The following GRK5 variants were observed in gnomAD, a reference collection of about 807,000 sequenced individuals.
GRK5 encodes g protein-coupled receptor kinase GRK5.
A neutral mutation model predicts 78.4 loss-of-function variants in GRK5; 40 were observed. That is an observed-to-expected ratio of 0.51 (90% CI 0.40 to 0.66). The LOEUF is 0.66. Ranked by LOEUF, GRK5 falls within the 30% of genes least tolerant of loss-of-function variation. The pLI is 0.00. For missense variants in GRK5, 598 were observed against 759.9 expected (o/e 0.79, Z 2.50); for synonymous variants, 289 against 296.8 (o/e 0.97, Z 0.27).
chr10:119,279,172 G>C (rs1196324248), intron 1 of GRK5, among the ~76,000 whole-genome samples: 1 of 152,160 alleles, frequency 6.6e-6, no homozygotes, highest in East Asian at 1.9e-4. Flanking sequence ...GAGCCACTGC[G>C]CCTGGCCCCT....
intron 1 of GRK5, among the ~76,000 whole-genome samples, chr10:119,221,351 C>T (rs377731626): frequency 9.2e-5 from 14 of 152,172 alleles, no homozygotes; most frequent in African/African-American, 2.7e-4. Context: ...CACACTGTTC[C>T]GCAGCTGTTT....
intron 1 of GRK5, among the ~76,000 whole-genome samples, chr10:119,324,524 A>G (rs1055710932): frequency 6.6e-6 from 1 of 152,146 alleles, no homozygotes; most frequent in Non-Finnish European, 1.5e-5. Context: ...GCTACTCGGG[A>G]GGCTGAGGCA....
In GRK5 at chr10:119,424,935, C is replaced by A. The variant is rs887380146; in HGVS notation, c.441-58C>A. On this transcript the variant is annotated intron_variant, in intron 5 of 15. Transcript: ENST00000392870. ...TTTCCAAAGCTGGACACAGCTTTGC[C>A]CCCCTGCTTGAAGATCGGGATTATA... is the stretch of plus-strand genomic sequence containing the variant. 160 of 1,218,698 alleles carry A rather than the reference C, an allele frequency of 1.3e-4. No individual in the cohort carries two copies. In the African/African-American group the frequency reaches 2.1e-3, roughly 16 times the overall value. 75.5% of individuals were successfully genotyped at this position (1,218,698 alleles called of 1,614,324 possible). A position where few individuals can be genotyped will look rare whatever the true frequency, so the allele number is the denominator to read the frequency against.
chr10:119,263,441 C>A (rs1224870073), intron 1 of GRK5, among the ~76,000 whole-genome samples: 1 of 152,130 alleles, frequency 6.6e-6, no homozygotes, highest in Non-Finnish European at 1.5e-5. Context: ...ATGTGTAAAA[C>A]ATCTCTTGGC....
At chr10:119,363,445 G>A (rs546528136) in intron 2 of GRK5, among the ~76,000 whole-genome samples, 1 of 152,256 alleles carries the variant, frequency 6.6e-6, no homozygotes, top group South Asian at 2.1e-4. Flanking sequence ...CAGCTAGTAC[G>A]TGGTTGTAGA....
chr10:119,327,349 C>G (rs1213922275), intron 2 of GRK5, among the ~76,000 whole-genome samples: 1 of 152,202 alleles, frequency 6.6e-6, no homozygotes, highest in African/African-American at 2.4e-5. Flanking sequence ...AGGCCCCACT[C>G]CAGAGTGTTT....
chr10:119,225,392 T>C (rs1044519269), intron 1 of GRK5, among the ~76,000 whole-genome samples: 5 of 152,162 alleles, frequency 3.3e-5, no homozygotes, highest in African/African-American at 7.2e-5. Flanking sequence ...AATATTGCCA[T>C]GTGGACTTCA....
At chr10:119,261,056 C>CTCCG (rs1849380760) in intron 1 of GRK5, among the ~76,000 whole-genome samples, 1 of 74,922 alleles carries the variant, frequency 1.3e-5, no homozygotes. Context: ...ACCTCCCTCC[C>CTCCG]GGACGGGGCG....
chr10:119,390,748 C>T (rs985670081), intron 3 of GRK5, among the ~76,000 whole-genome samples: 2 of 152,092 alleles, frequency 1.3e-5, no homozygotes, highest in Non-Finnish European at 2.9e-5. Flanking sequence ...ATTCACTATC[C>T]CGAGAACAGT....
At chr10:119,429,028 C>T (rs1589805533) in intron 6 of GRK5, among the ~76,000 whole-genome samples, 1 of 152,314 alleles carries the variant, frequency 6.6e-6, no homozygotes, top group East Asian at 1.9e-4. Context: ...GGGAAGGCTT[C>T]CCAGGGCCAC....
chr10:119,394,809 G>A (rs1304354577), intron 3 of GRK5, among the ~76,000 whole-genome samples: 1 of 149,892 alleles, frequency 6.7e-6, no homozygotes, highest in Non-Finnish European at 1.5e-5. Flanking sequence ...GTGTGGGTGT[G>A]TGTGTGGGTG....
At chr10:119,354,603 T>G (rs1851238894) in intron 2 of GRK5, among the ~76,000 whole-genome samples, 3 of 152,132 alleles carry the variant, frequency 2.0e-5, no homozygotes, top group Non-Finnish European at 4.4e-5. Flanking sequence ...GGTTTTGCCA[T>G]GTTGCCCAGA....
intron 1 of GRK5, among the ~76,000 whole-genome samples, chr10:119,221,460 T>C (rs1441251552): frequency 1.3e-5 from 2 of 152,210 alleles, no homozygotes; most frequent in Non-Finnish European, 1.5e-5. Flanking sequence ...CTTTGGAAGC[T>C]GAATGCTGTT....
intron 3 of GRK5, among the ~76,000 whole-genome samples, chr10:119,395,206 T>C (rs1852025528): frequency 6.6e-6 from 1 of 152,220 alleles, no homozygotes; most frequent in Non-Finnish European, 1.5e-5. Flanking sequence ...CCCTGTGATC[T>C]AAATGATTGT....
At chr10:119,324,149 T>C (rs967143529) in intron 1 of GRK5, among the ~76,000 whole-genome samples, 3 of 152,230 alleles carry the variant, frequency 2.0e-5, no homozygotes, top group African/African-American at 7.2e-5. Flanking sequence ...CCTCTGAGAA[T>C]TTCTCTTGTA....
chr10:119,255,112 C>G (rs573984228), intron 1 of GRK5, among the ~76,000 whole-genome samples: 1 of 150,808 alleles, frequency 6.6e-6, no homozygotes, highest in Admixed American at 6.6e-5. Context: ...CAGGTAAGGT[C>G]GTCAGGTGGG....
At chr10:119,281,963 A>G (rs1173375051) in intron 1 of GRK5, among the ~76,000 whole-genome samples, 1 of 152,080 alleles carries the variant, frequency 6.6e-6, no homozygotes, top group Non-Finnish European at 1.5e-5. Context: ...TGTTGAGCCT[A>G]TCCTGTTTCT....
At chr10:119,417,541 A>C (rs1405272839) in intron 4 of GRK5, among the ~76,000 whole-genome samples, 4 of 141,890 alleles carry the variant, frequency 2.8e-5, no homozygotes, top group Non-Finnish European at 6.1e-5. Flanking sequence ...TCTTCTCTCC[A>C]ACCACACTGC....
intron 4 of GRK5, among the ~76,000 whole-genome samples, chr10:119,411,746 CAGGACTACAAATAA>C (rs1390825730): frequency 1.3e-5 from 2 of 151,656 alleles, no homozygotes; most frequent in African/African-American, 4.8e-5. Flanking sequence ...CTGTAGCTCC[CAGGACTACAAATAA>C]AGGACTACTC....
Sources: gnomAD v4.1 joint callset for allele counts (sites outside exome capture counted in the v4.1 genomes callset) on GRCh38, gnomAD v4.1.1 for gene constraint, MANE v1.5 for transcripts, NCBI Gene and HGNC (gene_info 2026-07-23, HGNC 2026-07-21) for gene names.